RFC3: variants seen among roughly 807,000 people sequenced by gnomAD.
The protein encoded by RFC3 is A1 38 kDa subunit.
Under a neutral mutation model 45.1 loss-of-function variants are expected in RFC3, and 41 were observed. That is an observed-to-expected ratio of 0.91 (90% CI 0.71 to 1.18). The LOEUF (loss-of-function observed/expected upper bound fraction) is 1.18. Among genes scored for constraint, RFC3 ranks in the 50% most tolerant of loss-of-function variants. The probability of loss-of-function intolerance (pLI) is 0.00; values close to 1 mark genes in which losing one functional copy is unlikely to be tolerated. For synonymous variants in RFC3, 149 were observed against 144.0 expected (o/e 1.03, Z -0.25); for missense variants, 423 against 428.1 (o/e 0.99, Z 0.10).
At chr13:33,970,148 C>T (rs1188729462), downstream of RFC3, among the ~76,000 whole-genome samples, 1 of 152,102 alleles carries the variant, frequency 6.6e-6, no homozygotes, top group Non-Finnish European at 1.5e-5. Context: ...CATGTGTTCT[C>T]ATCATTCACT....
rs765739264 is a variant in RFC3, at chr13:33,818,205, G to T, written c.27G>T (p.Arg9=). The T allele has an allele frequency of 5.6e-6, 9 of 1,613,522 alleles. No individual in the cohort carries two copies. Among genetic ancestry groups the T allele is most frequent in the Non-Finnish European group, 7.6e-6 (9 of 1,179,976 alleles). ...TGAGCCTCTGGGTGGACAAGTATCG[G>T]CCCTGCTCCTTGGGACGGCTGGACT... MSLWVDKY[R]PCSLGRLDYH... The change falls in exon 1 of 9, where the codon CGG becomes CGT. Residue 9 remains arginine, a synonymous_variant. Coordinates refer to ENST00000380071, the MANE Select transcript of RFC3 (RefSeq NM_002915.4).
downstream of RFC3, among the ~76,000 whole-genome samples, chr13:33,968,706 C>T (rs2137881913): frequency 6.6e-6 from 1 of 152,244 alleles, no homozygotes; most frequent in South Asian, 2.1e-4. Flanking sequence ...TCGGAGAGGA[C>T]ACTTTGTAAA....
chr13:33,822,361 A>C (rs2082011305), intron 2 of RFC3, among the ~76,000 whole-genome samples: 1 of 152,226 alleles, frequency 6.6e-6, no homozygotes, highest in Non-Finnish European at 1.5e-5. Context: ...TGAAATTCTA[A>C]TTAAAATTCA....
intron 8 of RFC3, among the ~76,000 whole-genome samples, chr13:33,884,255 A>G (rs567050702): frequency 6.6e-6 from 1 of 152,310 alleles, no homozygotes; most frequent in South Asian, 2.1e-4. Flanking sequence ...ATAGAGTTCT[A>G]CTTGATTGGG....
At chr13:33,826,091 T>C (rs543925048) in intron 4 of RFC3, among the ~76,000 whole-genome samples, 24 of 152,286 alleles carry the variant, frequency 1.6e-4, no homozygotes, top group Non-Finnish European at 2.1e-4. Context: ...AAATACGTGA[T>C]TTAAAATCAG....
intron 8 of RFC3, among the ~76,000 whole-genome samples, chr13:33,920,858 A>G (rs1282370750): frequency 1.3e-5 from 2 of 152,080 alleles, no homozygotes; most frequent in Admixed American, 1.3e-4. Flanking sequence ...ATGAGTCTTT[A>G]TCTTACTAAA....
chr13:33,950,268 T>C (rs138216513), intron 8 of RFC3, among the ~76,000 whole-genome samples: 2,809 of 152,296 alleles, frequency 0.018, 70 homozygotes, highest in African/African-American at 0.06. Flanking sequence ...GTTTTTAAAA[T>C]TTTTACTGTA....
chr13:33,867,384 T>G (rs192289270), intron 8 of RFC3, among the ~76,000 whole-genome samples: 1 of 152,366 alleles, frequency 6.6e-6, no homozygotes, highest in Admixed American at 6.5e-5. Flanking sequence ...TGTGATTCTG[T>G]TAATCATTTT....
At position 33,836,765 on chromosome 13, in the gene RFC3, T is replaced by C; in HGVS notation, c.*470T>C. ...TTGTAGGAAATGTAAGATTTCATTC[T>C]GAAACATAATTATTGGTATGGACAA... On this transcript the variant is annotated 3_prime_UTR_variant, in exon 9 of 9. Transcript: ENST00000380071. 2 of 985,706 alleles carry C rather than the reference T, an allele frequency of 2.0e-6. No individual in the cohort carries two copies. Among genetic ancestry groups the C allele is most frequent in the Non-Finnish European group, 2.4e-6 (2 of 829,912 alleles). 61.1% of individuals were successfully genotyped at this position (985,706 alleles called of 1,614,324 possible).
chr13:33,835,809 A>G (rs1275073946), intron 8 of RFC3, among the ~76,000 whole-genome samples: 2 of 152,150 alleles, frequency 1.3e-5, no homozygotes, highest in African/African-American at 4.8e-5. Flanking sequence ...ACAAATTATT[A>G]TTGTTATTAT....
At chr13:33,966,148 T>A in exon 9 of RFC3, 18 of 1,588,888 alleles carry the variant, frequency 1.1e-5, no homozygotes, top group Non-Finnish European at 1.6e-5. Flanking sequence ...AACAACTTGC[T>A]ACTGACTGGA....
intron 8 of RFC3, among the ~76,000 whole-genome samples, chr13:33,890,913 C>G (rs1171811212): frequency 2.0e-5 from 3 of 152,062 alleles, no homozygotes; most frequent in Non-Finnish European, 4.4e-5. Flanking sequence ...TAAAATTAAC[C>G]TAATTTTTAA....
chr13:33,886,223 C>A (rs978054249), intron 8 of RFC3, among the ~76,000 whole-genome samples: 1 of 152,106 alleles, frequency 6.6e-6, no homozygotes, highest in Non-Finnish European at 1.5e-5. Flanking sequence ...GCCTGAACTA[C>A]CCTAGAACCA....
At chr13:33,839,790 G>T (rs1006253868), downstream of RFC3, among the ~76,000 whole-genome samples, 1 of 152,270 alleles carries the variant, frequency 6.6e-6, no homozygotes, top group South Asian at 2.1e-4. Context: ...AGGTCTGCTG[G>T]TGAATTATCT....
At chr13:33,890,021 C>T (rs2082553713) in intron 8 of RFC3, among the ~76,000 whole-genome samples, 1 of 152,132 alleles carries the variant, frequency 6.6e-6, no homozygotes, top group African/African-American at 2.4e-5. Flanking sequence ...GTCCTGACTT[C>T]ATGGACCCTA....
At chr13:33,960,429 A>C (rs187603365) in intron 8 of RFC3, among the ~76,000 whole-genome samples, 408 of 152,240 alleles carry the variant, frequency 2.7e-3, no homozygotes, top group Non-Finnish European at 4.1e-3. Flanking sequence ...CCCATGCCTG[A>C]CCTTATCTGT....
intron 8 of RFC3, among the ~76,000 whole-genome samples, chr13:33,945,958 C>G (rs1437021997): frequency 6.6e-6 from 1 of 152,138 alleles, no homozygotes; most frequent in Non-Finnish European, 1.5e-5. Context: ...TTGTGATATG[C>G]CTTTTGCTTT....
intron 8 of RFC3, among the ~76,000 whole-genome samples, chr13:33,890,544 A>C (rs971215363): frequency 1.3e-5 from 2 of 152,206 alleles, no homozygotes; most frequent in Non-Finnish European, 2.9e-5. Flanking sequence ...AATGAGCAAA[A>C]TAATTGCCCT....
intron 8 of RFC3, among the ~76,000 whole-genome samples, chr13:33,888,506 A>G (rs1001340174): frequency 3.3e-5 from 5 of 152,244 alleles, no homozygotes; most frequent in African/African-American, 1.2e-4. Flanking sequence ...CCGAGTAGCC[A>G]CAATGCTGCG....
Sources: gnomAD v4.1 joint callset for allele counts (sites outside exome capture counted in the v4.1 genomes callset) on GRCh38, gnomAD v4.1.1 for gene constraint, MANE v1.5 for transcripts, NCBI Gene and HGNC (gene_info 2026-07-23, HGNC 2026-07-21) for gene names.